Variants in NBEA observed in about 807,000 individuals in gnomAD.
The protein encoded by NBEA is lysosomal-trafficking regulator 2.
NBEA carries 44 observed loss-of-function variants against 343.4 expected under a neutral mutation model. The ratio of observed to expected loss-of-function variants is 0.13; its 90% CI spans 0.10 to 0.16. NBEA has a LOEUF of 0.16. Among genes scored for constraint, NBEA ranks in the 10% least tolerant of loss-of-function variants. The probability of loss-of-function intolerance (pLI) is 1.00; values close to 1 mark genes in which losing one functional copy is unlikely to be tolerated. For synonymous variants in NBEA, 1,175 were observed against 1,238.7 expected (o/e 0.95, Z 1.08); for missense variants, 2,555 against 3,631.3 (o/e 0.70, Z 7.62).
At chr13:35,050,864 G>A (rs1474400563) in intron 6 of NBEA, among the ~76,000 whole-genome samples, 1 of 151,882 alleles carries the variant, frequency 6.6e-6, no homozygotes, top group Non-Finnish European at 1.5e-5. Flanking sequence ...CTTTAATAAT[G>A]CTGGCTTCAA....
intron 41 of NBEA, among the ~76,000 whole-genome samples, chr13:35,488,422 A>G (rs1399899071): frequency 6.6e-6 from 1 of 151,886 alleles, no homozygotes; most frequent in Admixed American, 6.6e-5. Flanking sequence ...AAGAAGCCTC[A>G]TTTGGGATAA....
At chr13:35,615,587 C>T (rs2082704208) in intron 48 of NBEA, among the ~76,000 whole-genome samples, 1 of 152,078 alleles carries the variant, frequency 6.6e-6, no homozygotes, top group Non-Finnish European at 1.5e-5. Flanking sequence ...TCAGGTGATC[C>T]GCCTGCCTCA....
intron 38 of NBEA, among the ~76,000 whole-genome samples, chr13:35,432,028 A>T (rs970035784): frequency 1.3e-5 from 2 of 152,030 alleles, no homozygotes; most frequent in African/African-American, 4.8e-5. Context: ...TAAAAAGCAG[A>T]GCTGAGTGGT....
Position 35,308,568 on chromosome 13 carries a change from A to ATATATATGTATATATGTATATATG in NBEA, c.5839-936_5839-913dup, listed in dbSNP as rs6144999. 6.2e-3 allele frequency among the ~76,000 whole-genome samples: 538 copies of ATATATATGTATATATGTATATATG among 87,296 alleles called. 2 individuals carry two copies. The highest frequency in any genetic ancestry group is 6.6e-3 in the African/African-American group (139 of 21,150). The allele number at this position is 87,296 out of a possible 152,430, so 57.3% of individuals were successfully genotyped here. A position where few individuals can be genotyped will look rare whatever the true frequency, so the allele number is the denominator to read the frequency against. The stretch of plus-strand genomic sequence containing the variant: ...TATATATGTATATATGTATATATGT[A>ATATATATGTATATATGTATATATG]TATATATGTATATATGTATATATGT... On this transcript the variant is annotated intron_variant, in intron 35 of 58. Coordinates refer to ENST00000379939, the MANE Select transcript of NBEA (RefSeq NM_001385012.1).
intron 34 of NBEA, among the ~76,000 whole-genome samples, chr13:35,255,014 C>T (rs2032423800): frequency 6.6e-6 from 1 of 151,800 alleles, no homozygotes; most frequent in African/African-American, 2.4e-5. Context: ...AAAGTTTTAC[C>T]TGTTGCTTGT....
chr13:35,427,462 G>A (rs1441748809), intron 38 of NBEA, among the ~76,000 whole-genome samples: 2 of 152,168 alleles, frequency 1.3e-5, no homozygotes, highest in Admixed American at 6.5e-5. Context: ...TTGGTGAACT[G>A]CAAATGCTGC....
chr13:35,280,597 A>C (rs182684684), intron 34 of NBEA, among the ~76,000 whole-genome samples: 7 of 152,244 alleles, frequency 4.6e-5, no homozygotes, highest in African/African-American at 1.7e-4. Context: ...GTCTCATCAT[A>C]ATAAACTGAT....
At chr13:35,512,117 C>T (rs1459242069) in intron 41 of NBEA, among the ~76,000 whole-genome samples, 1 of 152,206 alleles carries the variant, frequency 6.6e-6, no homozygotes, top group Non-Finnish European at 1.5e-5. Flanking sequence ...CTTGAACTGT[C>T]AGTGAAAGCA....
At chr13:35,643,617 A>C (rs184912376) in intron 49 of NBEA, among the ~76,000 whole-genome samples, 2 of 152,332 alleles carry the variant, frequency 1.3e-5, no homozygotes, top group Admixed American at 1.3e-4. Context: ...ACAGACATAC[A>C]TAAATAATTG....
At chr13:35,300,340 A>G (rs528542072) in intron 35 of NBEA, among the ~76,000 whole-genome samples, 112 of 152,274 alleles carry the variant, frequency 7.4e-4, no homozygotes, top group Non-Finnish European at 1.2e-3. Flanking sequence ...CAAGAAAAAC[A>G]AGTATTTTTT....
intron 31 of NBEA, among the ~76,000 whole-genome samples, chr13:35,207,698 G>A (rs1472491864): frequency 1.3e-5 from 2 of 151,952 alleles, no homozygotes; most frequent in Non-Finnish European, 2.9e-5. Flanking sequence ...AAGAAACCTG[G>A]GGAAATGTTG....
intron 1 of NBEA, among the ~76,000 whole-genome samples, chr13:34,971,731 G>A (rs936288862): frequency 6.6e-6 from 1 of 152,012 alleles, no homozygotes; most frequent in African/African-American, 2.4e-5. Context: ...TAAGTTTGTT[G>A]ATGTGCTGCT....
intron 38 of NBEA, among the ~76,000 whole-genome samples, chr13:35,428,613 T>G (rs547637492): frequency 2.6e-5 from 4 of 152,322 alleles, no homozygotes; most frequent in African/African-American, 9.6e-5. Flanking sequence ...ATTTCTTTGC[T>G]AAGTGTATTT....
chr13:35,416,489 A>T (rs2043917835), intron 38 of NBEA, among the ~76,000 whole-genome samples: 1 of 152,146 alleles, frequency 6.6e-6, no homozygotes. Flanking sequence ...ATCTATTGAG[A>T]TAATCATGTG....
chr13:35,660,180 A>C (rs2085016236), intron 55 of NBEA, among the ~76,000 whole-genome samples: 1 of 152,204 alleles, frequency 6.6e-6, no homozygotes, highest in African/African-American at 2.4e-5. Flanking sequence ...GCTTCCAACA[A>C]GATAGTCACA....
At chr13:35,136,084 C>T (rs1480745289) in intron 17 of NBEA, among the ~76,000 whole-genome samples, 1 of 152,046 alleles carries the variant, frequency 6.6e-6, no homozygotes, top group Non-Finnish European at 1.5e-5. Context: ...CCCTCCAAAA[C>T]AACAAATTCA....
intron 42 of NBEA, 69 bp downstream of exon 42, chr13:35,550,663 T>C: frequency 1.0e-6 from 1 of 964,388 alleles, no homozygotes; most frequent in Non-Finnish European, 1.6e-6. Flanking sequence ...CATGGTATGA[T>C]AATGTCTTGA....
chr13:35,599,965 T>C (rs539518065), intron 47 of NBEA, among the ~76,000 whole-genome samples: 40 of 152,354 alleles, frequency 2.6e-4, no homozygotes, highest in African/African-American at 9.4e-4. Context: ...ATATGTCAAC[T>C]TTAAATAACC....
intron 17 of NBEA, among the ~76,000 whole-genome samples, chr13:35,126,262 C>T (rs924255492): frequency 1.3e-5 from 2 of 152,114 alleles, no homozygotes; most frequent in Admixed American, 1.3e-4. Context: ...TTGCCTTCCA[C>T]CATGATTGTA....
Sources: allele counts gnomAD v4.1 joint callset (sites outside exome capture counted in the v4.1 genomes callset), GRCh38; gene constraint gnomAD v4.1.1; transcripts MANE v1.5; gene names NCBI Gene and HGNC (gene_info 2026-07-23, HGNC 2026-07-21).